Variants in NCAM2 observed in about 807,000 individuals in gnomAD.
NCAM2 encodes N-CAM-2.
A neutral mutation model predicts 98.1 loss-of-function variants in NCAM2; 30 were observed. That is an observed-to-expected ratio of 0.31 (90% confidence interval 0.23 to 0.41). The LOEUF (loss-of-function observed/expected upper bound fraction) is 0.41. Among genes scored for constraint, NCAM2 ranks in the 10% least tolerant of loss-of-function variants. NCAM2 has a pLI of 1.00. For missense variants in NCAM2, 867 were observed against 1,005.8 expected (o/e 0.86, Z 1.87); for synonymous variants, 368 against 342.4 (o/e 1.07, Z -0.83).
intron 1 of NCAM2, among the ~76,000 whole-genome samples, chr21:21,101,313 C>T (rs1014120221): frequency 2.2e-4 from 33 of 152,084 alleles, no homozygotes; most frequent in Admixed American, 1.9e-3. Context: ...ACAGCAAACA[C>T]ATAATCATAG....
At chr21:21,516,437 A>T (rs374388299) in intron 16 of NCAM2, among the ~76,000 whole-genome samples, 18 of 152,264 alleles carry the variant, frequency 1.2e-4, no homozygotes, top group Non-Finnish European at 1.9e-4. Context: ...ATGAAACGCC[A>T]TATGCCAACT....
At chr21:21,379,997 C>T (rs1057052292) in intron 9 of NCAM2, among the ~76,000 whole-genome samples, 1 of 151,984 alleles carries the variant, frequency 6.6e-6, no homozygotes, top group Non-Finnish European at 1.5e-5. Context: ...GGCGGCTAGG[C>T]CAGTCTAGTC....
chr21:21,510,354 T>G (rs1002943888), intron 16 of NCAM2, among the ~76,000 whole-genome samples: 1 of 152,050 alleles, frequency 6.6e-6, no homozygotes, highest in South Asian at 2.1e-4. Flanking sequence ...CACATTAACC[T>G]CCCTCACCCA....
chr21:21,321,510 G>A (rs946216266), intron 5 of NCAM2, among the ~76,000 whole-genome samples: 1 of 152,110 alleles, frequency 6.6e-6, no homozygotes, highest in African/African-American at 2.4e-5. Context: ...AGAAGTGTAT[G>A]TCCTAAGTTT....
At chr21:21,418,753 G>T (rs1485138112) in intron 11 of NCAM2, among the ~76,000 whole-genome samples, 184 bp downstream of exon 11, 1 of 152,176 alleles carries the variant, frequency 6.6e-6, no homozygotes, top group Middle Eastern at 3.4e-3. Flanking sequence ...ATGAAGAGGG[G>T]TTACTCAGGG....
At position 21,539,312 on chromosome 21, in the gene NCAM2, C is replaced by T. The variant is rs185301591; in HGVS notation, c.*1355C>T. The T allele has an allele frequency of 1.3e-5, 2 of 152,242 alleles. No individual in the cohort carries two copies. The highest frequency in any genetic ancestry group is 6.5e-5 in the Admixed American group (1 of 15,270). 9.4% of individuals were successfully genotyped at this position (152,242 alleles called of 1,614,324 possible). Reference sequence around the variant, plus strand: ...TATAAACATACATACCATTTGGGAGCAGGTTTATTAACCTTGAGAGCCAAA... The same window carrying T: ...TATAAACATACATACCATTTGGGAGTAGGTTTATTAACCTTGAGAGCCAAA... On this transcript the variant is annotated 3_prime_UTR_variant, in exon 18 of 18. Coordinates refer to ENST00000400546, the MANE Select transcript of NCAM2 (RefSeq NM_004540.5).
intron 15 of NCAM2, among the ~76,000 whole-genome samples, chr21:21,483,138 A>G (rs1048167285): frequency 6.6e-6 from 1 of 152,032 alleles, no homozygotes; most frequent in Non-Finnish European, 1.5e-5. Context: ...GGCCTGCCAC[A>G]TGTTTGATAA....
intron 1 of NCAM2, among the ~76,000 whole-genome samples, chr21:21,088,980 AAAG>A (rs1332029498): frequency 2.0e-5 from 3 of 151,974 alleles, no homozygotes; most frequent in Admixed American, 6.6e-5. Context: ...CAAAAAAAAA[AAAG>A]AAGAGACATC....
chr21:21,201,941 C>G (rs1360521527), intron 1 of NCAM2, among the ~76,000 whole-genome samples: 2 of 152,094 alleles, frequency 1.3e-5, no homozygotes, highest in East Asian at 1.9e-4. Flanking sequence ...AAAAGACTTC[C>G]AGGTGGTCTA....
chr21:21,524,742 C>A (rs928306992), intron 16 of NCAM2, among the ~76,000 whole-genome samples: 2 of 152,074 alleles, frequency 1.3e-5, no homozygotes, highest in Non-Finnish European at 2.9e-5. Context: ...AGAATAGGCA[C>A]CAAGATAGAT....
Position 21,540,212 on chromosome 21 carries a change from C to G in NCAM2, c.*2255C>G, listed in dbSNP as rs1413316042. 2.6e-5 allele frequency: 4 copies of G among 151,364 alleles called. No homozygotes were observed. Among genetic ancestry groups the G allele is most frequent in the African/African-American group, 9.7e-5 (4 of 41,262 alleles). The allele number at this position is 151,364 out of a possible 1,614,324, so 9.4% of individuals were successfully genotyped here. A position where few individuals can be genotyped will look rare whatever the true frequency, so the allele number is the denominator to read the frequency against. On this transcript the variant is annotated 3_prime_UTR_variant, in exon 18 of 18. Transcript: ENST00000400546. The stretch of plus-strand genomic sequence containing the variant: ...CTCAATGTGACATTTCTGTTTCTCT[C>G]ATTTATTCGGATTTTCCTTGTAAAG...
chr21:21,057,777 A>T (rs1445027322), intron 1 of NCAM2, among the ~76,000 whole-genome samples: 1 of 152,148 alleles, frequency 6.6e-6, no homozygotes, highest in Admixed American at 6.6e-5. Flanking sequence ...AAAACGGGAT[A>T]TCATCTACCT....
chr21:21,498,239 T>A (rs1293654119), intron 15 of NCAM2, among the ~76,000 whole-genome samples: 1 of 152,124 alleles, frequency 6.6e-6, no homozygotes. Context: ...AAGTGCTGTA[T>A]TCCTGATTAT....
At chr21:21,382,410 A>T (rs1395980995) in intron 9 of NCAM2, among the ~76,000 whole-genome samples, 1 of 151,972 alleles carries the variant, frequency 6.6e-6, no homozygotes, top group East Asian at 1.9e-4. Flanking sequence ...CTGCCCTTCC[A>T]ATTAGGTAAT....
intron 1 of NCAM2, among the ~76,000 whole-genome samples, chr21:21,239,562 A>G (rs1458149430): frequency 6.6e-6 from 1 of 152,218 alleles, no homozygotes; most frequent in East Asian, 1.9e-4. Flanking sequence ...TATTATATAC[A>G]TCACCTAATT....
At chr21:21,144,311 T>C (rs910797518) in intron 1 of NCAM2, among the ~76,000 whole-genome samples, 2 of 149,982 alleles carry the variant, frequency 1.3e-5, no homozygotes, top group African/African-American at 4.9e-5. Context: ...ATTGTGCCAC[T>C]GCACTCCAGG....
At chr21:21,095,329 A>G (rs1315088644) in intron 1 of NCAM2, among the ~76,000 whole-genome samples, 1 of 151,670 alleles carries the variant, frequency 6.6e-6, no homozygotes, top group Non-Finnish European at 1.5e-5. Flanking sequence ...ACTGTTGATA[A>G]TAAAACTGAA....
At chr21:21,332,270 G>T (rs1410897606) in intron 6 of NCAM2, among the ~76,000 whole-genome samples, 3 of 152,074 alleles carry the variant, frequency 2.0e-5, no homozygotes, top group Admixed American at 6.6e-5. Context: ...GAATATTTTT[G>T]TATTATTTTA....
rs148120709 is a variant in NCAM2 at position 21,354,043 on chromosome 21, AC to A, written c.1044+15510del. Reference sequence around the variant, plus strand: ...GAGTGATTTTGCCTCTAGAATTCTTACAAAATGATAAACATAACAGTAAGTA... The same window carrying A: ...GAGTGATTTTGCCTCTAGAATTCTTAAAAATGATAAACATAACAGTAAGTA... On this transcript the variant is annotated intron_variant, in intron 8 of 17. Coordinates refer to ENST00000400546, the MANE Select transcript of NCAM2 (RefSeq NM_004540.5). 3.5e-3 allele frequency among the ~76,000 whole-genome samples: 538 copies of A among 152,316 alleles called. 4 individuals carry two copies. The highest frequency in any genetic ancestry group is 0.012 in the African/African-American group (509 of 41,562).
Sources: gnomAD v4.1 joint callset for allele counts (sites outside exome capture counted in the v4.1 genomes callset) on GRCh38, gnomAD v4.1.1 for gene constraint, MANE v1.5 for transcripts, NCBI Gene and HGNC (gene_info 2026-07-23, HGNC 2026-07-21) for gene names.